Variants in FPR2 observed in about 807,000 individuals in gnomAD.
FPR2 encodes N-formyl peptide receptor 2.
A neutral mutation model predicts 4.0 loss-of-function variants in FPR2; 3 were observed. The observed-to-expected ratio is 0.74, with a 90% CI of 0.34 to 1.92. The LOEUF (loss-of-function observed/expected upper bound fraction) is 1.92. Among genes scored for constraint, FPR2 ranks in the 30% most tolerant of loss-of-function variants. The probability of loss-of-function intolerance (pLI) is 0.07; values close to 1 mark genes in which losing one functional copy is unlikely to be tolerated. For missense variants in FPR2, 372 were observed against 435.7 expected (o/e 0.85, Z 1.30); for synonymous variants, 179 against 171.5 (o/e 1.04, Z -0.34).
rs1429317598 is a variant in FPR2, at chr19:51,769,417, T to C, written c.759T>C (p.Cys253=). The change falls in exon 2 of 2, where the codon TGT becomes TGC. Residue 253 remains cysteine (C), a synonymous_variant. Transcript: ENST00000340023. The surrounding 1 kb of genome is among the most constrained non-coding windows in gnomAD (Gnocchi z 4.4). ...CTGTGGTGGCTTCTTTCTTCATCTGTTGGTTTCCCTTTCAACTGGTTGCCC... is the reference window on the plus strand; with the variant it reads ...CTGTGGTGGCTTCTTTCTTCATCTGCTGGTTTCCCTTTCAACTGGTTGCCC... The part of the protein sequence containing the change: ...LTAVVASFFI[C]WFPFQLVALL... The C allele has an allele frequency of 2.5e-6, 4 of 1,614,096 alleles. No individual in the cohort carries two copies. The highest frequency in any genetic ancestry group is 3.3e-5 in the Admixed American group (2 of 60,006).
At chr19:51,764,786 G>C (rs1176470761) in intron 1 of FPR2, among the ~76,000 whole-genome samples, 1 of 152,074 alleles carries the variant, frequency 6.6e-6, no homozygotes, top group Non-Finnish European at 1.5e-5. Context: ...TTGTTAATTT[G>C]TCCTCACCTG....
intron 1 of FPR2, among the ~76,000 whole-genome samples, chr19:51,761,563 A>G (rs2083838382): frequency 6.6e-6 from 1 of 152,172 alleles, no homozygotes; most frequent in Non-Finnish European, 1.5e-5. Flanking sequence ...TAACATGGCT[A>G]CTAGAAAGTT....
chr19:51,766,086 AT>A (rs1406958983), intron 1 of FPR2, among the ~76,000 whole-genome samples: 3 of 152,078 alleles, frequency 2.0e-5, no homozygotes, highest in Non-Finnish European at 4.4e-5. Flanking sequence ...GGCCCGGCTA[AT>A]TTTTTGTATT....
rs74602258 is a variant in FPR2 at position 51,768,878 on chromosome 19, T to C, written c.220T>C (p.Phe74Leu). Residue 74 changes from phenylalanine to leucine, a missense_variant, in exon 2 of 2, where the codon TTC becomes CTC. Phe to Leu is a conservative substitution (Grantham distance 22). Coordinates refer to ENST00000340023, the MANE Select transcript of FPR2 (RefSeq NM_001005738.2). ...YLNLALADFS[F>L]TATLPFLIVS... is the part of the protein sequence containing the mutation. ...GAACCTGGCCCTGGCTGACTTTTCT[T>C]TCACGGCCACATTACCATTCCTCAT... 5.9e-3 allele frequency: 9,526 copies of C among 1,614,192 alleles called. 35 individuals carry two copies. Among genetic ancestry groups the C allele is most frequent in the Non-Finnish European group, 6.8e-3 (8,053 of 1,180,026 alleles).
Position 51,768,877 on chromosome 19 carries a change from T to A in FPR2, c.219T>A (p.Ser73=), listed in dbSNP as rs895417842. The change falls in exon 2 of 2, where the codon TCT becomes TCA. Residue 73 remains serine (S), a synonymous_variant. Coordinates refer to ENST00000340023, the MANE Select transcript of FPR2 (RefSeq NM_001005738.2). ...TGAACCTGGCCCTGGCTGACTTTTCTTTCACGGCCACATTACCATTCCTCA... is the reference window on the plus strand; with the variant it reads ...TGAACCTGGCCCTGGCTGACTTTTCATTCACGGCCACATTACCATTCCTCA... ...CYLNLALADF[S]FTATLPFLIV... is the part of the protein sequence containing the mutation. The A allele has an allele frequency of 6.2e-7, 1 of 1,614,082 alleles. No individual in the cohort carries two copies. Among genetic ancestry groups the A allele is most frequent in the Non-Finnish European group, 8.5e-7 (1 of 1,180,038 alleles).
Position 51,770,181 on chromosome 19 carries a change from CATGTATTAAG to C in FPR2, c.*471_*480del, listed in dbSNP as rs1337758185. 1 of 171,522 alleles carries C rather than the reference CATGTATTAAG, an allele frequency of 5.8e-6. No homozygotes were observed. The highest frequency in any genetic ancestry group is 2.4e-5 in the African/African-American group (1 of 41,420). The allele number at this position is 171,522 out of a possible 1,614,324, so 10.6% of individuals were successfully genotyped here. ...TGCATTTTATCAAATGCATTTTCTA[CATGTATTAAG>C]ATGGTCATATTATTCTTCTTCTTTT... On this transcript the variant is annotated 3_prime_UTR_variant, in exon 2 of 2. Transcript: ENST00000340023.
In FPR2 at chr19:51,768,969, T is replaced by C. The variant is rs755580928; in HGVS notation, c.311T>C (p.Val104Ala). 3 of 1,614,108 alleles carry C rather than the reference T, an allele frequency of 1.9e-6. No individual in the cohort carries two copies. Among genetic ancestry groups the C allele is most frequent in the African/African-American group, 2.7e-5 (2 of 74,936 alleles). Reference protein sequence around the residue: ...GWFLCKLIHIVVDINLFGSVF... With the variant: ...GWFLCKLIHIAVDINLFGSVF... ...TTCCTGTGTAAGTTAATTCACATCG[T>C]GGTGGACATCAACCTCTTTGGAAGT... Residue 104 changes from valine to alanine, a missense_variant, in exon 2 of 2, where the codon GTG (valine) becomes GCG (alanine). Coordinates refer to ENST00000340023, the MANE Select transcript of FPR2 (RefSeq NM_001005738.2).
chr19:51,761,678 A>G (rs906571988), intron 1 of FPR2, among the ~76,000 whole-genome samples: 4 of 152,220 alleles, frequency 2.6e-5, no homozygotes, highest in African/African-American at 9.6e-5. Flanking sequence ...CTGTAATCCC[A>G]GCTACTCAGG....
chr19:51,763,251 T>A (rs113557516), intron 1 of FPR2: 1 of 152,002 alleles, frequency 6.6e-6, no homozygotes, highest in Admixed American at 6.6e-5. Flanking sequence ...AAATTTAGAG[T>A]CAAATTTAGA....
chr19:51,769,096 C>T lies in FPR2; in HGVS notation c.438C>T (p.Ile146=), dbSNP rs200320548. The change falls in exon 2 of 2, where the codon ATC becomes ATT. Residue 146 remains isoleucine (I), a synonymous_variant. Coordinates refer to ENST00000340023, the MANE Select transcript of FPR2 (RefSeq NM_001005738.2). The surrounding 1 kb of genome is among the most constrained non-coding windows in gnomAD (Gnocchi z 4.4). ...CTGTGAGTCTGGCCATGAAGGTGAT[C>T]GTCGGACCTTGGATTCTTGCTCTAG... ...HRTVSLAMKV[I]VGPWILALVL... 2.1e-5 allele frequency: 34 copies of T among 1,614,154 alleles called. No individual in the cohort carries two copies. The highest frequency in any genetic ancestry group is 4.0e-5 in the African/African-American group (3 of 75,020).
In FPR2 at chr19:51,769,505, C is replaced by T. The variant is rs34881001; in HGVS notation, c.847C>T (p.Leu283=). ...TGGCAAGTACAAAATCATTGACATC[C>T]TGGTTAACCCAACGAGCTCCCTGGC... The part of the protein sequence containing the change: ...FYGKYKIIDI[L]VNPTSSLAFF... Residue 283 remains leucine, a synonymous_variant, in exon 2 of 2, where the codon CTG becomes TTG. Transcript: ENST00000340023. The surrounding 1 kb of genome is among the most constrained non-coding windows in gnomAD (Gnocchi z 4.4). 16 of 1,614,196 alleles carry T rather than the reference C, an allele frequency of 9.9e-6. No individual in the cohort carries two copies. The African/African-American group carries it at 1.7e-4, about 17-fold the overall frequency.
In FPR2 at chr19:51,769,733, T is replaced by A; in HGVS notation, c.*19T>A. 1 of 1,603,898 alleles carries A rather than the reference T, an allele frequency of 6.2e-7. No individual in the cohort carries two copies. Among genetic ancestry groups the A allele is most frequent in the Non-Finnish European group, 8.5e-7 (1 of 1,171,404 alleles). The stretch of plus-strand genomic sequence containing the variant: ...AATGTGAGGATGGGGTCAGGGATAT[T>A]TTGAGTTCTGTTCATCCTACCCTAA... On this transcript the variant is annotated 3_prime_UTR_variant, in exon 2 of 2. Coordinates refer to ENST00000340023, the MANE Select transcript of FPR2 (RefSeq NM_001005738.2). This position sits in a 1 kb window ranked among gnomAD's most constrained non-coding sequence, Gnocchi z 4.4.
At chr19:51,768,363 A>C (rs776810424) in intron 1 of FPR2, 1 of 329,424 alleles carries the variant, frequency 3.0e-6, no homozygotes, top group African/African-American at 2.1e-5. Flanking sequence ...CATTGTCCAT[A>C]CAACATAAGT....
chr19:51,769,518 C>T lies in FPR2; in HGVS notation c.860C>T (p.Thr287Met), dbSNP rs1316674085. Residue 287 changes from threonine to methionine, a missense_variant, in exon 2 of 2, where the codon ACG becomes ATG. Transcript: ENST00000340023. This position sits in a 1 kb window ranked among gnomAD's most constrained non-coding sequence, Gnocchi z 4.4. ...ATCATTGACATCCTGGTTAACCCAA[C>T]GAGCTCCCTGGCCTTCTTCAACAGC... The part of the protein sequence containing the change: ...YKIIDILVNP[T>M]SSLAFFNSCL... 6.2e-6 allele frequency: 10 copies of T among 1,614,082 alleles called. No homozygotes were observed. Among genetic ancestry groups the T allele is most frequent in the African/African-American group, 2.7e-5 (2 of 74,926 alleles).
At chr19:51,761,732 G>A (rs188161654) in intron 1 of FPR2, among the ~76,000 whole-genome samples, 130 of 152,260 alleles carry the variant, frequency 8.5e-4, no homozygotes, top group Non-Finnish European at 1.3e-3. Flanking sequence ...GGCCGAGGTT[G>A]CAGTGAGCCG....
At chr19:51,761,833 C>T (rs954576223) in intron 1 of FPR2, among the ~76,000 whole-genome samples, 2 of 152,060 alleles carry the variant, frequency 1.3e-5, no homozygotes, top group Admixed American at 6.6e-5. Context: ...GTGTGAGGAG[C>T]TTAAGAGGAA....
At chr19:51,768,560 T>C in intron 1 of FPR2, 85 bp from the exon 2 acceptor site, 1 of 1,080,004 alleles carries the variant, frequency 9.3e-7, no homozygotes, top group Non-Finnish European at 1.3e-6. Flanking sequence ...AGTGGGAGCT[T>C]TAGTGGAAGT....
chr19:51,768,355 T>C, intron 1 of FPR2: 1 of 278,058 alleles, frequency 3.6e-6, no homozygotes. Flanking sequence ...CAATTTTCCA[T>C]TGTCCATACA....
intron 1 of FPR2, chr19:51,763,313 A>G (rs1027221049): frequency 6.6e-6 from 1 of 152,218 alleles, no homozygotes; most frequent in Admixed American, 6.5e-5. Flanking sequence ...TTGAGCTTCA[A>G]ATGCAAGTGA....
Sources: gnomAD v4.1 joint callset for allele counts (sites outside exome capture counted in the v4.1 genomes callset) on GRCh38, gnomAD v4.1.1 for gene constraint, Gnocchi (gnomAD v3.1) non-coding constraint, MANE v1.5 for transcripts, NCBI Gene and HGNC (gene_info 2026-07-23, HGNC 2026-07-21) for gene names.